The following NEGR1 variants were observed in gnomAD, a reference collection of about 807,000 sequenced individuals.
NEGR1 encodes IgLON family member 4.
Under a neutral mutation model 40.9 loss-of-function variants are expected in NEGR1, and 10 were observed. That is an observed-to-expected ratio of 0.24 (90% confidence interval 0.15 to 0.42). The LOEUF is 0.42. NEGR1 is among the 10% of genes least tolerant of loss of function. NEGR1 has a pLI of 1.00. For synonymous variants in NEGR1, 185 were observed against 166.8 expected (o/e 1.11, Z -0.84); for missense variants, 352 against 438.9 (o/e 0.80, Z 1.77).
At chr1:71,597,460 C>CTGTGTGTGTGTGTGTG (rs1185213578) in intron 5 of NEGR1, among the ~76,000 whole-genome samples, 1 of 64,790 alleles carries the variant, frequency 1.5e-5, no homozygotes, top group African/African-American at 5.8e-5. Context: ...CTCTCTCTCT[C>CTGTGTGTGTGTGTGTG]TCTCTCTCTC....
At chr1:72,277,804 T>C (rs368341295) in intron 1 of NEGR1, among the ~76,000 whole-genome samples, 1 of 152,148 alleles carries the variant, frequency 6.6e-6, no homozygotes, top group South Asian at 2.1e-4. Flanking sequence ...AGTTGAACTG[T>C]GTATTTGGAA....
rs1311429274 is a variant in NEGR1, at chr1:72,271,492, T to C, written c.176+10827A>G. On this transcript the variant is annotated intron_variant, in intron 1 of 6. Coordinates refer to ENST00000357731, the MANE Select transcript of NEGR1 (RefSeq NM_173808.3). ...ATTAAATGAGCACTTACTGTATATA[T>C]AATATCCTTCTGTGAACTTATTCCA... is the stretch of plus-strand genomic sequence containing the variant. Among the ~76,000 whole-genome samples, 3 of 151,862 alleles carry C rather than the reference T, an allele frequency of 2.0e-5. No individual in the cohort carries two copies. In the East Asian group the frequency reaches 5.8e-4, roughly 29 times the overall value.
chr1:71,423,994 T>C (rs1646413869), intron 6 of NEGR1, among the ~76,000 whole-genome samples: 1 of 152,012 alleles, frequency 6.6e-6, no homozygotes, highest in Non-Finnish European at 1.5e-5. Context: ...AGATAATGTA[T>C]GTGCCTGTGC....
intron 2 of NEGR1, among the ~76,000 whole-genome samples, chr1:71,928,778 GA>G (rs1254381081): frequency 1.3e-5 from 2 of 151,902 alleles, no homozygotes; most frequent in East Asian, 3.9e-4. Context: ...TCATTGTGGG[GA>G]AAATTTGTAG....
intron 4 of NEGR1, among the ~76,000 whole-genome samples, chr1:71,647,992 T>C (rs1394007759): frequency 1.3e-5 from 2 of 151,956 alleles, no homozygotes; most frequent in African/African-American, 2.4e-5. Context: ...TCTATATATA[T>C]AGTGAAAAGC....
At chr1:71,635,462 T>C (rs1651115724) in intron 4 of NEGR1, among the ~76,000 whole-genome samples, 1 of 149,788 alleles carries the variant, frequency 6.7e-6, no homozygotes, top group South Asian at 2.1e-4. Flanking sequence ...TATAGAGTTA[T>C]AGTAGTAGAG....
At chr1:72,111,973 A>T (rs1412787267) in intron 1 of NEGR1, among the ~76,000 whole-genome samples, 1 of 151,832 alleles carries the variant, frequency 6.6e-6, no homozygotes, top group Non-Finnish European at 1.5e-5. Context: ...CACTTAGGTG[A>T]CGATCATTAA....
At chr1:71,490,738 C>T (rs1557544104) in intron 6 of NEGR1, among the ~76,000 whole-genome samples, 2 of 151,928 alleles carry the variant, frequency 1.3e-5, no homozygotes, top group Non-Finnish European at 2.9e-5. Flanking sequence ...GCTTATCTTC[C>T]TTTGGCCATT....
At chr1:71,960,064 A>C (rs1326456995) in intron 1 of NEGR1, among the ~76,000 whole-genome samples, 1 of 152,180 alleles carries the variant, frequency 6.6e-6, no homozygotes, top group East Asian at 1.9e-4. Flanking sequence ...ATAGGTAGGA[A>C]GTAGGGCAAG....
At chr1:72,119,106 A>G (rs190098518) in intron 1 of NEGR1, among the ~76,000 whole-genome samples, 1 of 151,970 alleles carries the variant, frequency 6.6e-6, no homozygotes, top group Non-Finnish European at 1.5e-5. Flanking sequence ...TTTCTTCATC[A>G]TGTTTCGTAC....
chr1:71,810,306 G>T (rs561674047), intron 2 of NEGR1, among the ~76,000 whole-genome samples: 1 of 152,126 alleles, frequency 6.6e-6, no homozygotes, highest in African/African-American at 2.4e-5. Flanking sequence ...TTGAAATCAT[G>T]GTTTTTCTTT....
intron 2 of NEGR1, chr1:71,797,940 A>G (rs1274779530): frequency 6.6e-6 from 1 of 152,028 alleles, no homozygotes; most frequent in Non-Finnish European, 1.5e-5. Flanking sequence ...ATCTAGTTGC[A>G]GAAAGTACTC....
intron 1 of NEGR1, among the ~76,000 whole-genome samples, chr1:72,160,328 A>T (rs1236552771): frequency 3.3e-5 from 5 of 152,298 alleles, no homozygotes; most frequent in African/African-American, 1.2e-4. Context: ...TAAAGTGCCC[A>T]GGTGGGAAGG....
chr1:72,056,803 A>G (rs896976999), intron 1 of NEGR1, among the ~76,000 whole-genome samples: 5 of 151,456 alleles, frequency 3.3e-5, no homozygotes, highest in African/African-American at 1.2e-4. Context: ...TTTGAAGTCT[A>G]TTCATATCAT....
chr1:72,022,947 A>G (rs1233314481), intron 1 of NEGR1, among the ~76,000 whole-genome samples: 1 of 152,226 alleles, frequency 6.6e-6, no homozygotes, highest in African/African-American at 2.4e-5. Flanking sequence ...CCAAAGTAGT[A>G]AGAATAAAAT....
chr1:71,842,824 G>A (rs1351664095), intron 2 of NEGR1, among the ~76,000 whole-genome samples: 3 of 152,096 alleles, frequency 2.0e-5, no homozygotes, highest in Non-Finnish European at 2.9e-5. Flanking sequence ...AACTTAGCAA[G>A]CTCTGTTATG....
intron 2 of NEGR1, among the ~76,000 whole-genome samples, chr1:71,797,242 A>G (rs1004087013): frequency 1.3e-5 from 2 of 152,184 alleles, no homozygotes; most frequent in Non-Finnish European, 2.9e-5. Flanking sequence ...CCTAATTCTA[A>G]GAGAAGAAAA....
intron 1 of NEGR1, among the ~76,000 whole-genome samples, chr1:72,178,884 T>C (rs1000395039): frequency 1.3e-5 from 2 of 151,862 alleles, no homozygotes; most frequent in African/African-American, 4.8e-5. Context: ...CCTTTGCTCA[T>C]TTTTTTAATG....
chr1:71,745,666 A>G lies in NEGR1; in HGVS notation c.535+30506T>C, dbSNP rs1218482096. On this transcript the variant is annotated intron_variant, in intron 3 of 6. Transcript: ENST00000357731. ...GAATGATGGGCCTCAGAAAACAATA[A>G]CTCAAAGTGAAGGCTTAAAAAGCAG... 6.6e-5 allele frequency among the ~76,000 whole-genome samples: 10 copies of G among 152,260 alleles called. No homozygotes were observed. The East Asian group carries it at 1.7e-3, about 26-fold the overall frequency.
Sources: gnomAD v4.1 joint callset for allele counts (sites outside exome capture counted in the v4.1 genomes callset) on GRCh38, gnomAD v4.1.1 for gene constraint, MANE v1.5 for transcripts, NCBI Gene and HGNC (gene_info 2026-07-23, HGNC 2026-07-21) for gene names.